CERS6: variants seen among roughly 807,000 people sequenced by gnomAD.
CERS6 encodes the protein LAG1 homolog, ceramide synthase 6.
CERS6 carries 26 observed loss-of-function variants against 56.8 expected under a neutral mutation model. The observed-to-expected ratio is 0.46, with a 90% confidence interval of 0.34 to 0.63. CERS6 has a LOEUF of 0.63. CERS6 is among the 30% of genes least tolerant of loss of function. The probability of loss-of-function intolerance (pLI) is 0.01; values close to 1 mark genes in which losing one functional copy is unlikely to be tolerated. For synonymous variants in CERS6, 164 were observed against 173.3 expected (o/e 0.95, Z 0.42); for missense variants, 415 against 467.5 (o/e 0.89, Z 1.04).
Position 168,771,296 on chromosome 2 carries a change from TAAA to T in CERS6, c.*1636_*1638del, listed in dbSNP as rs1369817319. On this transcript the variant is annotated 3_prime_UTR_variant, in exon 10 of 10. Transcript: ENST00000305747. ...AATTTGCAATCTGTGGGTTAATAGT[TAAA>T]AGAATGTTCCCAACCAAAAAATTCT... 6.6e-6 allele frequency: 1 copy of T among 152,192 alleles called. No homozygotes were observed. Among genetic ancestry groups the T allele is most frequent in the Non-Finnish European group, 1.5e-5 (1 of 68,026 alleles). The allele number at this position is 152,192 out of a possible 1,614,324, so 9.4% of individuals were successfully genotyped here.
chr2:168,635,290 A>T (rs1338859874), intron 4 of CERS6, among the ~76,000 whole-genome samples: 1 of 152,196 alleles, frequency 6.6e-6, no homozygotes, highest in Non-Finnish European at 1.5e-5. Flanking sequence ...CTGAGGGAGC[A>T]TGAGGGGCTT....
chr2:168,519,433 G>A (rs942292779), intron 1 of CERS6, among the ~76,000 whole-genome samples: 4 of 152,102 alleles, frequency 2.6e-5, no homozygotes, highest in African/African-American at 9.7e-5. Flanking sequence ...TGGGTCTATT[G>A]TGTGATGCTG....
At chr2:168,474,227 T>C (rs1247668341) in intron 1 of CERS6, among the ~76,000 whole-genome samples, 1 of 152,214 alleles carries the variant, frequency 6.6e-6, no homozygotes, top group Non-Finnish European at 1.5e-5. Context: ...TATGTGGGTG[T>C]TTCCTAGTTG....
At chr2:168,768,774 C>T (rs1205391067) in intron 9 of CERS6, among the ~76,000 whole-genome samples, 2 of 151,728 alleles carry the variant, frequency 1.3e-5, no homozygotes, top group Non-Finnish European at 2.9e-5. Flanking sequence ...GGCATGGTGG[C>T]TCATGCCTGT....
intron 1 of CERS6, among the ~76,000 whole-genome samples, chr2:168,483,169 C>G (rs1445826337): frequency 6.6e-6 from 1 of 152,182 alleles, no homozygotes; most frequent in Non-Finnish European, 1.5e-5. Context: ...CATAGACTAT[C>G]TCATTTAATC....
At chr2:168,600,823 G>C (rs746202213) in intron 3 of CERS6, among the ~76,000 whole-genome samples, 1 of 152,174 alleles carries the variant, frequency 6.6e-6, no homozygotes, top group Non-Finnish European at 1.5e-5. Flanking sequence ...GAATTAAATT[G>C]ATCTAATAGT....
intron 1 of CERS6, among the ~76,000 whole-genome samples, chr2:168,532,493 A>G (rs1695186796): frequency 6.6e-6 from 1 of 151,900 alleles, no homozygotes; most frequent in Non-Finnish European, 1.5e-5. Flanking sequence ...TTCTATCTGT[A>G]CAGGTACTAA....
intron 3 of CERS6, among the ~76,000 whole-genome samples, chr2:168,628,449 G>T (rs1156722545): frequency 6.6e-6 from 1 of 152,188 alleles, no homozygotes; most frequent in East Asian, 1.9e-4. Flanking sequence ...CTTGTTCTTT[G>T]TTGCTTTGTA....
intron 3 of CERS6, among the ~76,000 whole-genome samples, chr2:168,603,944 T>C (rs1193553514): frequency 6.6e-6 from 1 of 152,214 alleles, no homozygotes; most frequent in African/African-American, 2.4e-5. Flanking sequence ...AATCTCCACA[T>C]CTTATTGACC....
At chr2:168,744,206 C>T (rs550647290) in intron 8 of CERS6, among the ~76,000 whole-genome samples, 25 of 151,868 alleles carry the variant, frequency 1.6e-4, no homozygotes, top group East Asian at 3.9e-4. Context: ...GGGGTTTCAC[C>T]GTGTTAGCCA....
chr2:168,585,137 A>G (rs952505873), intron 3 of CERS6, among the ~76,000 whole-genome samples: 7 of 152,284 alleles, frequency 4.6e-5, no homozygotes, highest in African/African-American at 1.7e-4. Flanking sequence ...GTCAGGAAAC[A>G]CACAACTCAC....
At chr2:168,618,684 G>T (rs1048324167) in intron 3 of CERS6, among the ~76,000 whole-genome samples, 1 of 152,174 alleles carries the variant, frequency 6.6e-6, no homozygotes, top group Non-Finnish European at 1.5e-5. Context: ...GAAGGTGAAA[G>T]ACCTCTACAA....
intron 3 of CERS6, among the ~76,000 whole-genome samples, chr2:168,619,444 G>A (rs979899549): frequency 1.1e-4 from 16 of 151,916 alleles, no homozygotes; most frequent in Admixed American, 2.0e-4. Flanking sequence ...GAAAATCTTC[G>A]CAATCTATAC....
chr2:168,634,857 G>C (rs1684827830), intron 4 of CERS6, among the ~76,000 whole-genome samples: 4 of 152,150 alleles, frequency 2.6e-5, no homozygotes, highest in Admixed American at 2.6e-4. Flanking sequence ...TTTTAGGAGT[G>C]ACTGTAATAT....
At chr2:168,512,961 T>C (rs956174414) in intron 1 of CERS6, among the ~76,000 whole-genome samples, 1 of 152,160 alleles carries the variant, frequency 6.6e-6, no homozygotes, top group Non-Finnish European at 1.5e-5. Context: ...CTGCTGCGCC[T>C]GGCCTCTACA....
chr2:168,468,864 G>A (rs1323955182), intron 1 of CERS6, among the ~76,000 whole-genome samples: 1 of 145,874 alleles, frequency 6.9e-6, no homozygotes, highest in Non-Finnish European at 1.5e-5. Context: ...GCTTAGTGAG[G>A]AATGGGGCTT....
intron 1 of CERS6, among the ~76,000 whole-genome samples, chr2:168,486,365 T>G (rs1236849547): frequency 1.3e-5 from 2 of 152,174 alleles, no homozygotes; most frequent in East Asian, 3.8e-4. Flanking sequence ...TTTCTTGGAT[T>G]ATGCTTTTGG....
intron 1 of CERS6, among the ~76,000 whole-genome samples, chr2:168,532,636 C>T (rs561598449): frequency 6.6e-6 from 1 of 152,194 alleles, no homozygotes; most frequent in South Asian, 2.1e-4. Flanking sequence ...ATTTTTGTAT[C>T]ATTGAGGTTT....
At chr2:168,756,116 C>T (rs564935951) in intron 8 of CERS6, among the ~76,000 whole-genome samples, 2 of 152,262 alleles carry the variant, frequency 1.3e-5, no homozygotes, top group African/African-American at 2.4e-5. Flanking sequence ...GGGAGGAGCA[C>T]ACAAATGTAG....
Sources: gnomAD v4.1 joint callset for allele counts (sites outside exome capture counted in the v4.1 genomes callset) on GRCh38, gnomAD v4.1.1 for gene constraint, MANE v1.5 for transcripts, NCBI Gene and HGNC (gene_info 2026-07-23, HGNC 2026-07-21) for gene names.